RFX3: variants seen among roughly 807,000 people sequenced by gnomAD.
The protein encoded by RFX3 is transcription factor RFX3.
Under a neutral mutation model 98.6 loss-of-function variants are expected in RFX3, and 14 were observed. The ratio of observed to expected loss-of-function variants is 0.14; its 90% CI spans 0.09 to 0.22. The LOEUF is 0.22. Among genes scored for constraint, RFX3 ranks in the 10% least tolerant of loss-of-function variants. RFX3 has a pLI of 1.00. For missense variants in RFX3, 639 were observed against 926.9 expected (o/e 0.69, Z 4.03); for synonymous variants, 383 against 328.4 (o/e 1.17, Z -1.80).
chr9:3,490,442 ATAAG>A (rs1564169057), intron 1 of RFX3: 1 of 199,512 alleles, frequency 5.0e-6, no homozygotes, highest in African/African-American at 2.4e-5. Flanking sequence ...AAGTTTATAG[ATAAG>A]TATTAATTAT....
chr9:3,482,983 T>C (rs1792113444), intron 1 of RFX3, among the ~76,000 whole-genome samples: 1 of 152,216 alleles, frequency 6.6e-6, no homozygotes, highest in African/African-American at 2.4e-5. Context: ...CCAATCTTGC[T>C]TTTGAGTTTA....
intron 1 of RFX3, among the ~76,000 whole-genome samples, chr9:3,402,160 C>G (rs999972389): frequency 6.6e-6 from 1 of 152,112 alleles, no homozygotes; most frequent in African/African-American, 2.4e-5. Context: ...TGTTACTGGG[C>G]TAGCTTAAAA....
chr9:3,400,122 ATTTTCCTTATTTTAAAGATGAGTTAAC>A (rs1841326907), intron 1 of RFX3: 6 of 333,016 alleles, frequency 1.8e-5, no homozygotes, highest in Non-Finnish European at 2.1e-5. Flanking sequence ...TAAAACTATG[ATTTTCCTTATTTTAAAGATGAGTTAAC>A]TGAGGCCCAG....
At chr9:3,507,153 GAACA>G (rs1817182395) in intron 1 of RFX3, among the ~76,000 whole-genome samples, 2 of 151,664 alleles carry the variant, frequency 1.3e-5, no homozygotes, top group Admixed American at 1.3e-4. Context: ...ATTTACAACT[GAACA>G]AACAAAAATC....
chr9:3,271,553 T>TTCTC (rs566339858), intron 9 of RFX3, among the ~76,000 whole-genome samples: 4 of 142,150 alleles, frequency 2.8e-5, no homozygotes, highest in Non-Finnish European at 4.6e-5. Context: ...CTTTCTCTCT[T>TTCTC]TCTCTCTCTC....
rs75888665 is a variant in RFX3, at chr9:3,483,775, A to C, written c.-9+41972T>G. On this transcript the variant is annotated intron_variant, in intron 1 of 16. Coordinates refer to ENST00000617270, the MANE Select transcript of RFX3 (RefSeq NM_001282116.2). ...GTTTAAGAATACGGTTTCTGGGGTA[A>C]ACTGCTGGGTTTGAGTCTGATTTTA... Among the ~76,000 whole-genome samples the C allele has an allele frequency of 2.3e-3, 353 of 152,290 alleles. 2 individuals carry two copies. Among genetic ancestry groups the C allele is most frequent in the African/African-American group, 8.1e-3 (337 of 41,558 alleles).
chr9:3,417,323 C>G (rs1209221198), intron 1 of RFX3, among the ~76,000 whole-genome samples: 1 of 152,014 alleles, frequency 6.6e-6, no homozygotes, highest in Non-Finnish European at 1.5e-5. Context: ...CAGCATCTAT[C>G]AATTTGTGCA....
At chr9:3,421,123 G>C (rs1161240149) in intron 1 of RFX3, among the ~76,000 whole-genome samples, 1 of 151,642 alleles carries the variant, frequency 6.6e-6, no homozygotes, top group Non-Finnish European at 1.5e-5. Context: ...CAGTGACTGA[G>C]CCAGAACAAA....
chr9:3,484,855 G>A (rs1056647279), intron 1 of RFX3, among the ~76,000 whole-genome samples: 3 of 151,958 alleles, frequency 2.0e-5, no homozygotes, highest in African/African-American at 4.8e-5. Context: ...AGGCCAAAAA[G>A]GAAGGCTCAC....
At chr9:3,264,046 G>C (rs1823284141) in intron 12 of RFX3, among the ~76,000 whole-genome samples, 1 of 151,990 alleles carries the variant, frequency 6.6e-6, no homozygotes, top group South Asian at 2.1e-4. Context: ...TGCTAGCCCT[G>C]GGATGCTTTA....
chr9:3,260,550 A>AT (rs1302796114), intron 13 of RFX3, among the ~76,000 whole-genome samples: 4 of 151,776 alleles, frequency 2.6e-5, no homozygotes, highest in Admixed American at 6.6e-5. Context: ...TCTGTTACTG[A>AT]GTTTAAATTA....
intron 1 of RFX3, among the ~76,000 whole-genome samples, chr9:3,446,205 TA>T (rs1846035612): frequency 6.6e-6 from 1 of 151,694 alleles, no homozygotes; most frequent in African/African-American, 2.4e-5. Flanking sequence ...ACTGGGGGAG[TA>T]TATAAAAGAA....
At chr9:3,364,779 G>C (rs1335128235) in intron 2 of RFX3, 1 of 152,396 alleles carries the variant, frequency 6.6e-6, no homozygotes, top group Non-Finnish European at 1.5e-5. Context: ...ACGTTCTATT[G>C]AAGAATAATT....
At chr9:3,338,556 T>G (rs1833474675) in intron 3 of RFX3, among the ~76,000 whole-genome samples, 1 of 152,206 alleles carries the variant, frequency 6.6e-6, no homozygotes, top group South Asian at 2.1e-4. Context: ...GGTTCTCACA[T>G]TTTTAATGTG....
intron 4 of RFX3, among the ~76,000 whole-genome samples, chr9:3,310,789 T>G (rs1563904508): frequency 6.6e-6 from 1 of 152,182 alleles, no homozygotes; most frequent in Admixed American, 6.5e-5. Flanking sequence ...AAATTCAACA[T>G]CATTGCCATC....
chr9:3,517,349 T>C (rs1176365595), intron 1 of RFX3, among the ~76,000 whole-genome samples: 1 of 152,186 alleles, frequency 6.6e-6, no homozygotes, highest in Admixed American at 6.5e-5. Flanking sequence ...TTGAAGTCCT[T>C]TATATCTTGG....
intron 1 of RFX3, among the ~76,000 whole-genome samples, chr9:3,450,039 C>G (rs1472285889): frequency 6.6e-6 from 1 of 152,146 alleles, no homozygotes; most frequent in African/African-American, 2.4e-5. Context: ...TGTGGTTCTA[C>G]CAATCTGGTT....
intron 2 of RFX3, among the ~76,000 whole-genome samples, chr9:3,380,536 C>T (rs1375910111): frequency 6.6e-6 from 1 of 152,140 alleles, no homozygotes; most frequent in African/African-American, 2.4e-5. Flanking sequence ...AAGTGATTTG[C>T]TTAACACCAT....
intron 1 of RFX3, among the ~76,000 whole-genome samples, chr9:3,475,905 C>G (rs1007900358): frequency 1.3e-5 from 2 of 152,158 alleles, no homozygotes; most frequent in East Asian, 3.9e-4. Flanking sequence ...TCCCTTCGCA[C>G]TGACGCTACC....
Sources: gnomAD v4.1 joint callset for allele counts (sites outside exome capture counted in the v4.1 genomes callset) on GRCh38, gnomAD v4.1.1 for gene constraint, MANE v1.5 for transcripts, NCBI Gene and HGNC (gene_info 2026-07-23, HGNC 2026-07-21) for gene names.